GINS1: variants seen among roughly 807,000 people sequenced by gnomAD.
GINS1 encodes DNA replication complex GINS protein PSF1.
Under a neutral mutation model 34.9 loss-of-function variants are expected in GINS1, and 26 were observed. The observed-to-expected ratio is 0.74, with a 90% CI of 0.55 to 1.03. GINS1 has a LOEUF of 1.03. Among genes scored for constraint, GINS1 ranks in the 50% least tolerant of loss-of-function variants. The probability of loss-of-function intolerance (pLI) is 0.00; values close to 1 mark genes in which losing one functional copy is unlikely to be tolerated. For synonymous variants in GINS1, 97 were observed against 84.4 expected, an observed-to-expected ratio of 1.15 and a Z score of -0.82; for missense variants, 235 against 237.9, an observed-to-expected ratio of 0.99 and a Z score of 0.08.
At chr20:25,410,842 C>T (rs918701228) in intron 1 of GINS1, among the ~76,000 whole-genome samples, 2 of 152,016 alleles carry the variant, frequency 1.3e-5, no homozygotes, top group Non-Finnish European at 2.9e-5. Context: ...GGATTATAGG[C>T]GTGAGCCACC....
intron 6 of GINS1, among the ~76,000 whole-genome samples, chr20:25,443,597 G>A (rs2090494468): frequency 6.6e-6 from 1 of 150,570 alleles, no homozygotes; most frequent in African/African-American, 2.4e-5. Context: ...TCCTGCCTCA[G>A]CCTCTCAAAT....
intron 1 of GINS1, 150 bp from the exon 2 acceptor site, chr20:25,413,640 C>T (rs1465214379): frequency 4.9e-6 from 3 of 610,494 alleles, no homozygotes; most frequent in South Asian, 2.0e-5. Flanking sequence ...ATCTCACCAA[C>T]ACTTGTTATA....
At chr20:25,444,589 C>T (rs941373530) in intron 6 of GINS1, among the ~76,000 whole-genome samples, 13 of 152,308 alleles carry the variant, frequency 8.5e-5, no homozygotes, top group Admixed American at 7.9e-4. Flanking sequence ...ACTGAGGTTA[C>T]ATTTTGCTTC....
rs1457691944 is a variant in GINS1 at position 25,407,755 on chromosome 20, G to A, written c.-66G>A. On this transcript the variant is annotated 5_prime_UTR_variant, in exon 1 of 7. Transcript: ENST00000262460. The stretch of plus-strand genomic sequence containing the variant: ...GAACGAAAGGAGTGAGGCGCCGAGA[G>A]CCCAGATACCATTTTGGCGTGAGAG... 4.1e-6 allele frequency: 5 copies of A among 1,228,922 alleles called. No homozygotes were observed. Among genetic ancestry groups the A allele is most frequent in the South Asian group, 2.4e-5 (2 of 82,050 alleles). The allele number at this position is 1,228,922 out of a possible 1,614,324, so 76.1% of individuals were successfully genotyped here.
intron 5 of GINS1, among the ~76,000 whole-genome samples, chr20:25,435,423 T>C (rs565342852): frequency 1.7e-3 from 259 of 152,204 alleles, no homozygotes; most frequent in African/African-American, 6.0e-3. Flanking sequence ...GCCTCCCAAG[T>C]GGCTAGGACT....
At chr20:25,429,763 C>G (rs2090416987) in intron 5 of GINS1, among the ~76,000 whole-genome samples, 1 of 152,252 alleles carries the variant, frequency 6.6e-6, no homozygotes, top group African/African-American at 2.4e-5. Flanking sequence ...CATCTGCAAA[C>G]AGATAATTTT....
chr20:25,445,540 G>A, intron 6 of GINS1, among the ~76,000 whole-genome samples: 1 of 152,134 alleles, frequency 6.6e-6, no homozygotes, highest in Non-Finnish European at 1.5e-5. Flanking sequence ...GTAGAGACGG[G>A]GTTTCACCGT....
intron 1 of GINS1, among the ~76,000 whole-genome samples, chr20:25,413,205 C>T (rs1372327935): frequency 3.3e-5 from 5 of 152,078 alleles, no homozygotes; most frequent in Admixed American, 6.6e-5. Context: ...CCTGTCACCA[C>T]GCCTGGCTAA....
At chr20:25,423,452 C>CTTTTTTTTTTTTTTTTTTTTTTTT (rs1159340467) in intron 4 of GINS1, among the ~76,000 whole-genome samples, 1 of 29,990 alleles carries the variant, frequency 3.3e-5, no homozygotes, top group African/African-American at 1.2e-4. Flanking sequence ...TTTTTCTTTT[C>CTTTTTTTTTTTTTTTTTTTTTTTT]TTTTTTTTTT....
Position 25,417,136 on chromosome 20 carries a change from T to TCCTCAC in GINS1, c.173_174insCCTCAC (p.Leu58delinsPheLeuThr). On this transcript the variant is annotated protein_altering_variant, in exon 3 of 7. Coordinates refer to ENST00000262460, the MANE Select transcript of GINS1 (RefSeq NM_021067.5). ...GCAAAGTCAGGTGGACGAAGTGATT[T>TCCTCAC]GATACCAACTATCAAATTTCGACAC... is the stretch of plus-strand genomic sequence containing the variant. 6.3e-7 allele frequency: 1 copy of TCCTCAC among 1,590,676 alleles called. No homozygotes were observed. The highest frequency in any genetic ancestry group is 2.2e-5 in the East Asian group (1 of 44,718).
At chr20:25,421,686 A>G (rs949397949) in intron 4 of GINS1, among the ~76,000 whole-genome samples, 1 of 152,208 alleles carries the variant, frequency 6.6e-6, no homozygotes. Context: ...TTCCATAAGG[A>G]AAACTAAAAA....
chr20:25,440,810 CAAAA>C (rs60014594), intron 5 of GINS1, among the ~76,000 whole-genome samples: 1 of 69,092 alleles, frequency 1.4e-5, no homozygotes, highest in African/African-American at 3.9e-5. Flanking sequence ...GACTCTGTCT[CAAAA>C]AAAAAAAAAA....
intron 6 of GINS1, 60 bp from the exon 7 acceptor site, chr20:25,445,863 T>C: frequency 9.5e-7 from 1 of 1,049,908 alleles, no homozygotes; most frequent in East Asian, 2.4e-5. Context: ...CAAGAAATAA[T>C]TTCAAATTCT....
intron 5 of GINS1, among the ~76,000 whole-genome samples, chr20:25,431,635 A>G (rs1052669782): frequency 1.3e-5 from 2 of 149,700 alleles, no homozygotes; most frequent in African/African-American, 2.5e-5. Flanking sequence ...CAGTGTCACA[A>G]TCTCAGCTCA....
At chr20:25,427,351 C>T (rs2090397391) in intron 5 of GINS1, among the ~76,000 whole-genome samples, 1 of 151,994 alleles carries the variant, frequency 6.6e-6, no homozygotes, top group Admixed American at 6.6e-5. Context: ...GTGCCCACCA[C>T]CACACCTGGC....
At chr20:25,428,969 C>CTCTTTTTT (rs2090410211) in intron 5 of GINS1, among the ~76,000 whole-genome samples, 2 of 127,442 alleles carry the variant, frequency 1.6e-5, no homozygotes, top group Non-Finnish European at 3.3e-5. Context: ...ATTCCTCTCT[C>CTCTTTTTT]TTTTTTTTTT....
At chr20:25,428,970 T>TC (rs1491550646) in intron 5 of GINS1, among the ~76,000 whole-genome samples, 20 of 1,342 alleles carry the variant, frequency 0.015, no homozygotes, top group South Asian at 0.033. Context: ...TTCCTCTCTC[T>TC]TTTTTTTTTT....
intron 1 of GINS1, among the ~76,000 whole-genome samples, chr20:25,408,432 G>A (rs895694580): frequency 6.6e-6 from 1 of 152,220 alleles, no homozygotes; most frequent in Non-Finnish European, 1.5e-5. Flanking sequence ...CTGAGTCAGT[G>A]TTAGCTATTA....
intron 1 of GINS1, among the ~76,000 whole-genome samples, chr20:25,411,943 C>CAA (rs11478911): frequency 7.3e-6 from 1 of 136,134 alleles, no homozygotes; most frequent in African/African-American, 2.7e-5. Context: ...AACTCCGTCT[C>CAA]AAAAAAAAAA....
Sources: allele counts gnomAD v4.1 joint callset (sites outside exome capture counted in the v4.1 genomes callset), GRCh38; gene constraint gnomAD v4.1.1; transcripts MANE v1.5; gene names NCBI Gene and HGNC (gene_info 2026-07-23, HGNC 2026-07-21).